Variants in IFT25 observed in about 807,000 individuals in gnomAD.
IFT25 encodes the protein intraflagellar transport 25, also known as intraflagellar transport protein 25 homolog.
the IFT25 span, among the ~76,000 whole-genome samples, chr1:53,924,103 G>C: frequency 2.0e-5 from 1 of 48,996 alleles, no homozygotes; most frequent in African/African-American, 4.1e-5. Flanking sequence ...TTTAAAAATA[G>C]AGGTATATGA....
the IFT25 span, among the ~76,000 whole-genome samples, chr1:53,941,838 T>G: frequency 6.6e-6 from 1 of 152,346 alleles, no homozygotes; most frequent in African/African-American, 2.4e-5. Flanking sequence ...CTGATGGAAT[T>G]CCTACCCATC....
the IFT25 span, among the ~76,000 whole-genome samples, chr1:53,944,269 C>T: frequency 2.6e-5 from 4 of 152,138 alleles, no homozygotes; most frequent in Non-Finnish European, 5.9e-5. Flanking sequence ...TTTGGAAGGC[C>T]GAGGTGGGCG....
chr1:53,924,269 C>T, the IFT25 span, among the ~76,000 whole-genome samples: 2 of 151,356 alleles, frequency 1.3e-5, no homozygotes, highest in Non-Finnish European at 2.9e-5. Context: ...AAAAAAAATC[C>T]CCCTTTCAAG....
At chr1:53,944,138 T>C in the IFT25 span, among the ~76,000 whole-genome samples, 746 of 152,336 alleles carry the variant, frequency 4.9e-3, 4 homozygotes, top group African/African-American at 0.017. Context: ...ATTACTTAAG[T>C]AGAAACGGCA....
the IFT25 span, chr1:53,923,741 A>G: frequency 4.6e-3 from 2,607 of 571,974 alleles, 45 homozygotes; most frequent in African/African-American, 0.045. Flanking sequence ...ATGAATGTAC[A>G]TTTAGCTTAT....
the IFT25 span, among the ~76,000 whole-genome samples, chr1:53,920,409 T>TTTTC: frequency 1.9e-4 from 28 of 150,584 alleles, no homozygotes; most frequent in Admixed American, 3.3e-4. Context: ...TTTTTTTTTT[T>TTTTC]CTAATAAGAG....
At chr1:53,928,425 AT>A in the IFT25 span, 1 of 1,612,180 alleles carries the variant, frequency 6.2e-7, no homozygotes, top group Non-Finnish European at 8.5e-7. Context: ...GCTTTTTTCA[AT>A]CTTCAAGGTC....
At chr1:53,944,842 G>C in the IFT25 span, among the ~76,000 whole-genome samples, 2 of 152,090 alleles carry the variant, frequency 1.3e-5, no homozygotes, top group African/African-American at 4.8e-5. Flanking sequence ...TTCGTCCCCA[G>C]TTCACCCTTT....
chr1:53,931,729 C>A, the IFT25 span, among the ~76,000 whole-genome samples: 608 of 148,452 alleles, frequency 4.1e-3, 5 homozygotes, highest in African/African-American at 0.015. Flanking sequence ...TAATAAATTG[C>A]ATTTTCTTTA....
At chr1:53,940,496 A>C in the IFT25 span, among the ~76,000 whole-genome samples, 1 of 152,238 alleles carries the variant, frequency 6.6e-6, no homozygotes, top group Non-Finnish European at 1.5e-5. Flanking sequence ...GCAAGAACAC[A>C]GATTTAAGCA....
At chr1:53,912,036 G>T in the IFT25 span, among the ~76,000 whole-genome samples, 1 of 152,160 alleles carries the variant, frequency 6.6e-6, no homozygotes, top group Non-Finnish European at 1.5e-5. Context: ...AGCCACTCAT[G>T]ACCAACATAG....
At chr1:53,945,005 G>A in the IFT25 span, among the ~76,000 whole-genome samples, 2 of 152,118 alleles carry the variant, frequency 1.3e-5, no homozygotes, top group African/African-American at 2.4e-5. Context: ...CATTGGGAAC[G>A]TGGTGTACTT....
At chr1:53,913,222 C>T in the IFT25 span, among the ~76,000 whole-genome samples, 1 of 152,278 alleles carries the variant, frequency 6.6e-6, no homozygotes, top group East Asian at 1.9e-4. Context: ...TCTACTTCTC[C>T]GGTGCCAGTC....
the IFT25 span, among the ~76,000 whole-genome samples, chr1:53,927,363 T>C: frequency 6.6e-6 from 1 of 152,132 alleles, no homozygotes; most frequent in African/African-American, 2.4e-5. Flanking sequence ...CAGCTGAGGG[T>C]ATATTCTTGG....
chr1:53,940,569 CTAAA>C, the IFT25 span, among the ~76,000 whole-genome samples: 1 of 152,010 alleles, frequency 6.6e-6, no homozygotes, highest in African/African-American at 2.4e-5. Flanking sequence ...AAAAAAACAA[CTAAA>C]TACTGTTTTC....
At chr1:53,915,239 C>G in the IFT25 span, among the ~76,000 whole-genome samples, 1,026 of 152,250 alleles carry the variant, frequency 6.7e-3, 5 homozygotes, top group South Asian at 0.026. Flanking sequence ...AAAAAAACCC[C>G]CTGCCTTGGG....
chr1:53,941,707 A>C, the IFT25 span, among the ~76,000 whole-genome samples: 1 of 152,214 alleles, frequency 6.6e-6, no homozygotes, highest in Non-Finnish European at 1.5e-5. Context: ...CAAAATCCTA[A>C]AATTATTAAA....
At chr1:53,924,400 T>C in the IFT25 span, among the ~76,000 whole-genome samples, 1 of 152,226 alleles carries the variant, frequency 6.6e-6, no homozygotes, top group African/African-American at 2.4e-5. Flanking sequence ...CATAATTGTG[T>C]GGCCCATGAA....
chr1:53,939,934 A>C, the IFT25 span: 1 of 1,036,362 alleles, frequency 9.6e-7, no homozygotes, highest in East Asian at 2.4e-5. Flanking sequence ...CCAAGTACTC[A>C]AGGGATTCAC....
Sources: gnomAD v4.1 joint callset for allele counts (sites outside exome capture counted in the v4.1 genomes callset) on GRCh38, gnomAD v4.1.1 for gene constraint, MANE v1.5 for transcripts, NCBI Gene and HGNC (gene_info 2026-07-23, HGNC 2026-07-21) for gene names.